The following BMAL2 variants were observed in gnomAD, a reference collection of about 807,000 sequenced individuals.
The protein encoded by BMAL2 is basic helix-loop-helix ARNT-like protein 2.
chr12:27,376,815 A>C, the BMAL2 span, among the ~76,000 whole-genome samples: 1 of 151,936 alleles, frequency 6.6e-6, no homozygotes, highest in African/African-American at 2.4e-5. Flanking sequence ...CCTGGCTAAC[A>C]CGGTGAAACC....
chr12:27,400,498 T>C, the BMAL2 span: 5 of 1,486,160 alleles, frequency 3.4e-6, no homozygotes, highest in East Asian at 4.6e-5. Flanking sequence ...TTATTTATAA[T>C]GATCCAAATG....
the BMAL2 span, among the ~76,000 whole-genome samples, chr12:27,354,483 T>G: frequency 6.6e-6 from 1 of 152,140 alleles, no homozygotes; most frequent in African/African-American, 2.4e-5. Flanking sequence ...GCTCCCTACC[T>G]GGGTAATGAA....
the BMAL2 span, among the ~76,000 whole-genome samples, chr12:27,338,859 C>T: frequency 6.6e-6 from 1 of 152,200 alleles, no homozygotes; most frequent in Non-Finnish European, 1.5e-5. Context: ...TGGTTCCTGC[C>T]AGATGGTTGT....
the BMAL2 span, among the ~76,000 whole-genome samples, chr12:27,392,799 C>A: frequency 5.3e-5 from 8 of 152,148 alleles, no homozygotes; most frequent in African/African-American, 1.9e-4. Context: ...TTAAAGATGA[C>A]CAGATTGAAT....
chr12:27,402,807 T>A, the BMAL2 span: 1 of 787,590 alleles, frequency 1.3e-6, no homozygotes, highest in Non-Finnish European at 1.9e-6. Flanking sequence ...GGTTGGGTTA[T>A]AGGAATCCCA....
At chr12:27,337,552 T>G in the BMAL2 span, among the ~76,000 whole-genome samples, 4,048 of 152,200 alleles carry the variant, frequency 0.027, 182 homozygotes, top group African/African-American at 0.092. Flanking sequence ...CTGCCCTCCC[T>G]CTAGATGGGT....
the BMAL2 span, chr12:27,394,569 C>G: frequency 6.6e-6 from 1 of 152,190 alleles, no homozygotes; most frequent in African/African-American, 2.4e-5. Flanking sequence ...CTCAAATCCA[C>G]AGGAACGATT....
the BMAL2 span, among the ~76,000 whole-genome samples, chr12:27,361,478 A>G: frequency 6.6e-6 from 1 of 152,224 alleles, no homozygotes; most frequent in Admixed American, 6.5e-5. Context: ...CACATATTAC[A>G]TTCACCACTG....
chr12:27,358,640 C>G, the BMAL2 span, among the ~76,000 whole-genome samples: 1 of 152,144 alleles, frequency 6.6e-6, no homozygotes, highest in Non-Finnish European at 1.5e-5. Context: ...TCCCTTCCCC[C>G]AAACAGAATT....
chr12:27,348,466 CATTT>C, the BMAL2 span, among the ~76,000 whole-genome samples: 1 of 152,064 alleles, frequency 6.6e-6, no homozygotes, highest in South Asian at 2.1e-4. Context: ...AAAAAGGTAA[CATTT>C]ATTTTTTTTT....
the BMAL2 span, chr12:27,424,158 AT>A: frequency 6.6e-6 from 1 of 152,190 alleles, no homozygotes; most frequent in Admixed American, 6.5e-5. Flanking sequence ...CTCAGATTAT[AT>A]TTCTATTGGA....
the BMAL2 span, among the ~76,000 whole-genome samples, chr12:27,355,641 A>T: frequency 4.6e-5 from 7 of 152,154 alleles, no homozygotes; most frequent in African/African-American, 1.4e-4. Flanking sequence ...GGCAACCCAA[A>T]ACATCTATTT....
At chr12:27,385,823 T>C in the BMAL2 span, among the ~76,000 whole-genome samples, 1 of 152,028 alleles carries the variant, frequency 6.6e-6, no homozygotes, top group Admixed American at 6.6e-5. Context: ...ACTACCCATC[T>C]CTCACACATA....
chr12:27,420,116 T>C, the BMAL2 span, among the ~76,000 whole-genome samples: 1 of 152,022 alleles, frequency 6.6e-6, no homozygotes, highest in East Asian at 1.9e-4. Context: ...GCAGTGTAAT[T>C]TCCTATTAGA....
At chr12:27,409,277 A>T in the BMAL2 span, among the ~76,000 whole-genome samples, 1 of 152,168 alleles carries the variant, frequency 6.6e-6, no homozygotes, top group Non-Finnish European at 1.5e-5. Context: ...AAAAGAGCCC[A>T]CATTGCCAAG....
the BMAL2 span, among the ~76,000 whole-genome samples, chr12:27,355,609 C>T: frequency 2.0e-5 from 3 of 152,176 alleles, no homozygotes; most frequent in Non-Finnish European, 2.9e-5. Flanking sequence ...CTACATACTT[C>T]CCTGGGAAGT....
chr12:27,403,450 T>A, the BMAL2 span: 7 of 1,604,192 alleles, frequency 4.4e-6, no homozygotes, highest in African/African-American at 9.4e-5. Flanking sequence ...TAGACAGTCC[T>A]GTATGAGTGT....
chr12:27,421,404 C>T, the BMAL2 span: 2 of 151,932 alleles, frequency 1.3e-5, no homozygotes, highest in Non-Finnish European at 2.9e-5. Flanking sequence ...AAAAAATTAC[C>T]CAGGCACTCA....
chr12:27,358,721 T>G, the BMAL2 span, among the ~76,000 whole-genome samples: 2 of 152,124 alleles, frequency 1.3e-5, no homozygotes, highest in Non-Finnish European at 2.9e-5. Flanking sequence ...CATTCTGTAT[T>G]TGGTTAATAT....
Sources: allele counts gnomAD v4.1 joint callset (sites outside exome capture counted in the v4.1 genomes callset), GRCh38; gene constraint gnomAD v4.1.1; transcripts MANE v1.5; gene names NCBI Gene and HGNC (gene_info 2026-07-23, HGNC 2026-07-21).